TRPC3: variants seen among roughly 807,000 people sequenced by gnomAD.
TRPC3 encodes the protein short transient receptor potential channel 3.
TRPC3 carries 54 observed loss-of-function variants against 90.9 expected under a neutral mutation model. The observed-to-expected ratio is 0.59, with a 90% CI of 0.48 to 0.75. TRPC3 has a LOEUF of 0.75. Ranked by LOEUF, TRPC3 falls within the 30% of genes least tolerant of loss-of-function variation. The pLI is 0.00. For synonymous variants in TRPC3, 424 were observed against 450.9 expected, an observed-to-expected ratio of 0.94 and a Z score of 0.75; for missense variants, 918 against 1,194.5, an observed-to-expected ratio of 0.77 and a Z score of 3.41.
intron 1 of TRPC3, among the ~76,000 whole-genome samples, chr4:121,942,499 T>C (rs1048839422): frequency 6.6e-6 from 1 of 151,990 alleles, no homozygotes; most frequent in Non-Finnish European, 1.5e-5. Flanking sequence ...AATCTGGGAG[T>C]TGGAAGTTGC....
chr4:121,883,119 T>C (rs916072167), intron 10 of TRPC3, among the ~76,000 whole-genome samples: 1 of 152,120 alleles, frequency 6.6e-6, no homozygotes, highest in African/African-American at 2.4e-5. Flanking sequence ...CCCTATTTCA[T>C]ACCATGAACA....
intron 4 of TRPC3, among the ~76,000 whole-genome samples, chr4:121,914,018 T>G (rs1483276471): frequency 6.6e-6 from 1 of 152,218 alleles, no homozygotes; most frequent in Non-Finnish European, 1.5e-5. Flanking sequence ...TTAAAGGATC[T>G]CAGCACAGCT....
chr4:121,909,076 T>C (rs971940347), intron 6 of TRPC3, among the ~76,000 whole-genome samples: 1 of 152,026 alleles, frequency 6.6e-6, no homozygotes, highest in Non-Finnish European at 1.5e-5. Context: ...TATACATAAA[T>C]AAATTTCAAT....
intron 1 of TRPC3, among the ~76,000 whole-genome samples, chr4:121,949,683 G>T (rs1730617444): frequency 6.6e-6 from 1 of 152,174 alleles, no homozygotes; most frequent in African/African-American, 2.4e-5. Context: ...CGTTTTTAAT[G>T]TATATCTCCT....
intron 1 of TRPC3, among the ~76,000 whole-genome samples, chr4:121,937,466 C>G (rs1730168661): frequency 6.6e-6 from 1 of 152,194 alleles, no homozygotes; most frequent in Admixed American, 6.5e-5. Flanking sequence ...AAAATTTGGT[C>G]TCCAGGAAGC....
chr4:121,910,070 C>T (rs1578623621), intron 6 of TRPC3, 84 bp downstream of exon 6: 2 of 1,033,570 alleles, frequency 1.9e-6, no homozygotes, highest in African/African-American at 1.6e-5. Context: ...TCATACTAAA[C>T]ATACTCCAAT....
chr4:121,950,971 G>C (rs1468964604), intron 1 of TRPC3: 1 of 152,528 alleles, frequency 6.6e-6, no homozygotes, highest in African/African-American at 2.4e-5. Flanking sequence ...CCAGAGCGTC[G>C]GAGGGGACCC....
intron 1 of TRPC3, among the ~76,000 whole-genome samples, chr4:121,935,297 T>A (rs982954411): frequency 7.2e-5 from 11 of 152,144 alleles, no homozygotes; most frequent in African/African-American, 2.7e-4. Flanking sequence ...GAAATAAATG[T>A]GCTGTGTTTG....
chr4:121,907,712 G>A, intron 6 of TRPC3, 145 bp from the exon 7 acceptor site: 1 of 870,378 alleles, frequency 1.1e-6, no homozygotes, highest in Non-Finnish European at 1.7e-6. Context: ...TAACTGTCCA[G>A]GGACTATTTT....
chr4:121,929,512 C>A (rs1410122584), intron 2 of TRPC3, among the ~76,000 whole-genome samples: 1 of 152,106 alleles, frequency 6.6e-6, no homozygotes, highest in African/African-American at 2.4e-5. Context: ...AGGATTAGAC[C>A]AAGAGTCTAT....
At chr4:121,919,229 A>T (rs908946458) in intron 3 of TRPC3, among the ~76,000 whole-genome samples, 3 of 152,220 alleles carry the variant, frequency 2.0e-5, no homozygotes, top group African/African-American at 2.4e-5. Flanking sequence ...TTTAAACTTA[A>T]AAATTAATTC....
chr4:121,907,104 T>C (rs1728906792), intron 7 of TRPC3, among the ~76,000 whole-genome samples, 199 bp downstream of exon 7: 1 of 152,094 alleles, frequency 6.6e-6, no homozygotes, highest in Non-Finnish European at 1.5e-5. Flanking sequence ...TTCTGACCCA[T>C]TCTGTGGTCA....
intron 1 of TRPC3, among the ~76,000 whole-genome samples, chr4:121,936,932 T>A (rs535672082): frequency 6.6e-6 from 1 of 152,282 alleles, no homozygotes; most frequent in East Asian, 1.9e-4. Context: ...GGCAAAACAT[T>A]TTTTTCATGC....
At chr4:121,930,830 TAAA>T (rs71599162) in intron 2 of TRPC3, 2,598 of 202,080 alleles carry the variant, frequency 0.013, no homozygotes, top group South Asian at 0.024. Flanking sequence ...CTCTGAGATC[TAAA>T]AAAAAAAAAA....
chr4:121,879,401 A>T lies in TRPC3; in HGVS notation c.*335T>A, dbSNP rs2149101532. The T allele has an allele frequency of 4.0e-6, 1 of 251,356 alleles. No homozygotes were observed. The highest frequency in any genetic ancestry group is 6.1e-5 in the Admixed American group (1 of 16,350). The allele number at this position is 251,356 out of a possible 1,614,324, so 15.6% of individuals were successfully genotyped here. A position where few individuals can be genotyped will look rare whatever the true frequency, so the allele number is the denominator to read the frequency against. ...TGCTGGAGACACAAAGATGAATAAG[A>T]CATGGTCCCTGTCCCCAAGGAACTG... On this transcript the variant is annotated 3_prime_UTR_variant, in exon 12 of 12. Transcript: ENST00000379645.
intron 6 of TRPC3, among the ~76,000 whole-genome samples, chr4:121,908,363 A>G (rs1728960623): frequency 6.6e-6 from 1 of 152,202 alleles, no homozygotes; most frequent in Non-Finnish European, 1.5e-5. Flanking sequence ...TCAACCCAGC[A>G]ATTCCATTAG....
At chr4:121,888,018 A>C (rs904818211) in intron 10 of TRPC3, among the ~76,000 whole-genome samples, 1 of 151,940 alleles carries the variant, frequency 6.6e-6, no homozygotes, top group Admixed American at 6.6e-5. Context: ...TTTGAGAGAA[A>C]GCGTCTTGCT....
chr4:121,907,274 A>G (rs1297355650), intron 7 of TRPC3, 29 bp downstream of exon 7: 1 of 1,564,392 alleles, frequency 6.4e-7, no homozygotes, highest in Non-Finnish European at 8.6e-7. Flanking sequence ...TCTCTTTATC[A>G]TACCTGTATA....
chr4:121,907,277 C>T, intron 7 of TRPC3, 26 bp downstream of exon 7: 2 of 1,575,572 alleles, frequency 1.3e-6, no homozygotes, highest in Non-Finnish European at 1.7e-6. Flanking sequence ...CTTTATCATA[C>T]CTGTATAATA....
Sources: allele counts gnomAD v4.1 joint callset (sites outside exome capture counted in the v4.1 genomes callset), GRCh38; gene constraint gnomAD v4.1.1; transcripts MANE v1.5; gene names NCBI Gene and HGNC (gene_info 2026-07-23, HGNC 2026-07-21).